Variants in PLGRKT observed in about 807,000 individuals in gnomAD.
PLGRKT encodes the protein plasminogen receptor with a C-terminal lysine.
Under a neutral mutation model 18.5 loss-of-function variants are expected in PLGRKT, and 22 were observed. The ratio of observed to expected loss-of-function variants is 1.19; its 90% CI spans 0.85 to 1.70. The LOEUF (loss-of-function observed/expected upper bound fraction) is 1.70, where lower values mean the gene tolerates loss of function less well. Among genes scored for constraint, PLGRKT ranks in the 40% most tolerant of loss-of-function variants. PLGRKT has a pLI of 0.00. For synonymous variants in PLGRKT, 72 were observed against 52.8 expected (o/e 1.36, Z -1.58); for missense variants, 235 against 174.4 (o/e 1.35, Z -1.96).
chr9:5,416,678 G>T (rs1275621205), intron 3 of PLGRKT, among the ~76,000 whole-genome samples: 1 of 152,212 alleles, frequency 6.6e-6, no homozygotes, highest in African/African-American at 2.4e-5. Flanking sequence ...ATGGTTACTG[G>T]ATTCATTGGT....
At position 5,418,573 on chromosome 9, in the gene PLGRKT, G is replaced by T; in HGVS notation, c.81+13324C>A. 2.6e-6 allele frequency: 2 copies of T among 777,680 alleles called. No individual in the cohort carries two copies. Among genetic ancestry groups the T allele is most frequent in the South Asian group, 2.7e-5 (2 of 74,370 alleles). 48.2% of individuals were successfully genotyped at this position (777,680 alleles called of 1,614,324 possible). On this transcript the variant is annotated intron_variant, in intron 3 of 5. Coordinates refer to ENST00000223864, the MANE Select transcript of PLGRKT (RefSeq NM_018465.4). This position sits in a 1 kb window ranked among gnomAD's most constrained non-coding sequence, Gnocchi z 4.2. Reference sequence around the variant, plus strand: ...GCCTTGCAGAGGCTGCTGTCCAGCAGGGATGGTCACCACAGTGACGGACTT... The same window carrying T: ...GCCTTGCAGAGGCTGCTGTCCAGCATGGATGGTCACCACAGTGACGGACTT...
chr9:5,365,714 T>A (rs1436963524), intron 3 of PLGRKT, among the ~76,000 whole-genome samples: 1 of 152,210 alleles, frequency 6.6e-6, no homozygotes, highest in African/African-American at 2.4e-5. Context: ...TTCTTATTTG[T>A]GGCAAATGTG....
chr9:5,412,221 A>C (rs972829071), intron 3 of PLGRKT, among the ~76,000 whole-genome samples: 2 of 152,208 alleles, frequency 1.3e-5, no homozygotes, highest in African/African-American at 4.8e-5. Context: ...CTTCTTAATA[A>C]GTGGTATAGG....
intron 3 of PLGRKT, among the ~76,000 whole-genome samples, chr9:5,422,290 A>G (rs569824919): frequency 1.1e-4 from 17 of 152,306 alleles, no homozygotes; most frequent in African/African-American, 4.1e-4. Flanking sequence ...GAGCCTTGTG[A>G]TGTGATGTAT....
At chr9:5,397,462 T>C (rs1182676393) in intron 3 of PLGRKT, among the ~76,000 whole-genome samples, 1 of 151,790 alleles carries the variant, frequency 6.6e-6, no homozygotes, top group African/African-American at 2.4e-5. Context: ...AGTGACTGAG[T>C]TCAATTCTGT....
At chr9:5,368,718 C>T (rs1231208268) in intron 3 of PLGRKT, among the ~76,000 whole-genome samples, 3 of 152,052 alleles carry the variant, frequency 2.0e-5, no homozygotes, top group Non-Finnish European at 4.4e-5. Flanking sequence ...GAATCTAAAA[C>T]AAAAGTTGAA....
At chr9:5,420,816 T>C (rs997549078) in intron 3 of PLGRKT, among the ~76,000 whole-genome samples, 3 of 152,166 alleles carry the variant, frequency 2.0e-5, no homozygotes, top group Non-Finnish European at 2.9e-5. Flanking sequence ...GGACCCTTCC[T>C]ATTTCAAGAT....
chr9:5,412,579 C>T (rs1818385915), intron 3 of PLGRKT, among the ~76,000 whole-genome samples: 1 of 152,158 alleles, frequency 6.6e-6, no homozygotes, highest in Non-Finnish European at 1.5e-5. Context: ...AGGAGACTTC[C>T]CAGCCTCTAG....
intron 2 of PLGRKT, among the ~76,000 whole-genome samples, chr9:5,435,447 T>G (rs1818942360): frequency 6.6e-6 from 1 of 152,152 alleles, no homozygotes; most frequent in Non-Finnish European, 1.5e-5. Context: ...CACCCACTGC[T>G]AACTGCCTTA....
At position 5,370,706 on chromosome 9, in the gene PLGRKT, C is replaced by G. The variant is rs577305412; in HGVS notation, c.82-8818G>C. 7.4e-4 allele frequency among the ~76,000 whole-genome samples: 112 copies of G among 152,236 alleles called. 1 individual carries two copies. The highest frequency in any genetic ancestry group is 2.4e-3 in the African/African-American group (101 of 41,542). ...TGAGAGTATTTTATATTTATCTATG[C>G]CTTTGTTAACTTAATAGAAACATTA... On this transcript the variant is annotated intron_variant, in intron 3 of 5. Transcript: ENST00000223864.
chr9:5,381,498 G>T (rs557355661), intron 3 of PLGRKT, among the ~76,000 whole-genome samples: 64 of 152,370 alleles, frequency 4.2e-4, no homozygotes, highest in African/African-American at 1.5e-3. Context: ...TGAGCTTTGG[G>T]AACCTCCACC....
intron 3 of PLGRKT, among the ~76,000 whole-genome samples, chr9:5,394,987 A>C (rs1818018189): frequency 6.6e-6 from 1 of 151,860 alleles, no homozygotes; most frequent in South Asian, 2.1e-4. Flanking sequence ...AAGGCTACCC[A>C]AGCTATCTTG....
chr9:5,418,393 C>T lies in PLGRKT; in HGVS notation c.81+13504G>A, dbSNP rs557294824. On this transcript the variant is annotated intron_variant, in intron 3 of 5. Transcript: ENST00000223864. The surrounding 1 kb of genome is among the most constrained non-coding windows in gnomAD (Gnocchi z 4.2). ...CCAGCCACAAGATGTCACAGTCAAG[C>T]GCTTAGAAATGCAGGACATGTTATG... 8.0e-5 allele frequency: 64 copies of T among 802,560 alleles called. No individual in the cohort carries two copies. Among genetic ancestry groups the T allele is most frequent in the African/African-American group, 5.8e-4 (34 of 58,886 alleles). 49.7% of individuals were successfully genotyped at this position (802,560 alleles called of 1,614,324 possible). A position where few individuals can be genotyped will look rare whatever the true frequency, so the allele number is the denominator to read the frequency against.
intron 3 of PLGRKT, among the ~76,000 whole-genome samples, chr9:5,429,676 G>A (rs760001209): frequency 6.6e-6 from 1 of 152,000 alleles, no homozygotes; most frequent in Non-Finnish European, 1.5e-5. Flanking sequence ...CCATTCTAAC[G>A]ACCTCATTTT....
At chr9:5,434,110 G>C (rs1189000978) in intron 2 of PLGRKT, among the ~76,000 whole-genome samples, 2 of 138,238 alleles carry the variant, frequency 1.4e-5, no homozygotes, top group Non-Finnish European at 3.1e-5. Context: ...CTGCCACCCT[G>C]TCTGGGAGGT....
rs75012617 is a variant in PLGRKT, at chr9:5,375,141, T to A, written c.82-13253A>T. On this transcript the variant is annotated intron_variant, in intron 3 of 5. Transcript: ENST00000223864. ...TTAAAATTCTATACTATAAAACTTT[T>A]CTGGTCCTTTGAATGTTTTTCCTTA... 9.8e-5 allele frequency among the ~76,000 whole-genome samples: 15 copies of A among 152,334 alleles called. No homozygotes were observed. The East Asian group carries it at 2.7e-3, about 27-fold the overall frequency.
At position 5,431,946 on chromosome 9, in the gene PLGRKT, T is replaced by G; in HGVS notation, c.32A>C (p.Glu11Ala). 1 of 1,551,300 alleles carries G rather than the reference T, an allele frequency of 6.4e-7. No homozygotes were observed. Among genetic ancestry groups the G allele is most frequent in the East Asian group, 2.2e-5 (1 of 44,554 alleles). Residue 11 changes from glutamate to alanine, a missense_variant, in exon 3 of 6, where the codon GAA becomes GCA. By Grantham distance (107) the Glu-to-Ala change is moderately radical (BLOSUM62 -1). Transcript: ENST00000223864. The part of the protein sequence containing the change: MGFIFSKSMN[E>A]SMKNQKEFML... ...GAACTCCTTTTGATTTTTCATGCTT[T>G]CATTCATAGATTTTGAAAATATAAA...
intron 2 of PLGRKT, among the ~76,000 whole-genome samples, chr9:5,434,064 C>T (rs370867389): frequency 5.5e-5 from 8 of 144,472 alleles, no homozygotes; most frequent in Middle Eastern, 4.0e-3. Flanking sequence ...TCTGCCCGGC[C>T]GCCCCATCTG....
chr9:5,361,279 G>A lies in PLGRKT; in HGVS notation c.213-92C>T, dbSNP rs546482480. ...AAAGAAAAAAAAATACCTGCTTTTT[G>A]GAAGAATGCCTTTTCCTTCAGAAGT... On this transcript the variant is annotated intron_variant, in intron 4 of 5. Transcript: ENST00000223864. 4.8e-5 allele frequency: 32 copies of A among 670,698 alleles called. No individual in the cohort carries two copies. The East Asian group carries it at 6.8e-4, about 14-fold the overall frequency. The allele number at this position is 670,698 out of a possible 1,614,324, so 41.5% of individuals were successfully genotyped here.
Sources: allele counts gnomAD v4.1 joint callset (sites outside exome capture counted in the v4.1 genomes callset), GRCh38; gene constraint gnomAD v4.1.1; non-coding constraint Gnocchi (gnomAD v3.1); transcripts MANE v1.5; gene names NCBI Gene and HGNC (gene_info 2026-07-23, HGNC 2026-07-21).